GRK4: variants seen among roughly 807,000 people sequenced by gnomAD.
The protein encoded by GRK4 is G protein-coupled receptor kinase 2-like.
GRK4 carries 73 observed loss-of-function variants against 77.9 expected under a neutral mutation model. The observed-to-expected ratio is 0.94, with a 90% CI of 0.78 to 1.14. The LOEUF is 1.14. GRK4 is among the 50% of genes most tolerant of loss of function. The pLI, the probability that GRK4 is intolerant of heterozygous loss-of-function variation, is 0.00. For synonymous variants in GRK4, 257 were observed against 254.4 expected (o/e 1.01, Z -0.10); for missense variants, 729 against 700.2 (o/e 1.04, Z -0.46).
chr4:3,006,483 CAA>C (rs1297355082), intron 5 of GRK4, among the ~76,000 whole-genome samples: 1 of 151,978 alleles, frequency 6.6e-6, no homozygotes, highest in Non-Finnish European at 1.5e-5. Context: ...AACTGCTTTC[CAA>C]AAAGATGTCT....
chr4:3,029,447 C>T, intron 12 of GRK4, 38 bp downstream of exon 12: 1 of 1,540,210 alleles, frequency 6.5e-7, no homozygotes. Context: ...AATGGCACTT[C>T]TCACTCATTC....
At chr4:2,991,743 C>T (rs1726244195) in intron 3 of GRK4, among the ~76,000 whole-genome samples, 1 of 152,156 alleles carries the variant, frequency 6.6e-6, no homozygotes, top group Non-Finnish European at 1.5e-5. Flanking sequence ...AACTCCCAGC[C>T]TCAGATGATC....
At chr4:3,000,031 C>T (rs184510526) in intron 4 of GRK4, among the ~76,000 whole-genome samples, 4 of 152,306 alleles carry the variant, frequency 2.6e-5, no homozygotes, top group South Asian at 2.1e-4. Flanking sequence ...CCTTCCCTCT[C>T]CACCAGTGGT....
At chr4:3,027,038 G>C (rs1012175752) in intron 10 of GRK4, among the ~76,000 whole-genome samples, 5 of 152,224 alleles carry the variant, frequency 3.3e-5, no homozygotes, top group Admixed American at 3.3e-4. Flanking sequence ...GAATGTTTTC[G>C]ATAATTTCGT....
At chr4:3,001,481 C>T (rs1729818544) in intron 4 of GRK4, among the ~76,000 whole-genome samples, 1 of 151,486 alleles carries the variant, frequency 6.6e-6, no homozygotes, top group Non-Finnish European at 1.5e-5. Flanking sequence ...ATTCCCCTGC[C>T]TCAGCCTCCT....
chr4:2,976,010 TAAG>T (rs2109457982), intron 1 of GRK4, among the ~76,000 whole-genome samples: 1 of 152,232 alleles, frequency 6.6e-6, no homozygotes, highest in South Asian at 2.1e-4. Flanking sequence ...GCCAGCATGA[TAAG>T]GAGGTCCCCT....
chr4:2,965,423 C>T (rs1261368742), intron 1 of GRK4: 8 of 702,956 alleles, frequency 1.1e-5, no homozygotes, highest in Middle Eastern at 2.3e-4. Flanking sequence ...CTTCACACCC[C>T]GTCACTCTTA....
intron 10 of GRK4, among the ~76,000 whole-genome samples, chr4:3,023,022 C>T (rs961054345): frequency 1.3e-5 from 2 of 152,136 alleles, no homozygotes; most frequent in African/African-American, 2.4e-5. Flanking sequence ...AAAGTCAGAA[C>T]GTTTTCTCCC....
chr4:3,002,111 T>G (rs1222840189), intron 4 of GRK4, among the ~76,000 whole-genome samples: 1 of 152,094 alleles, frequency 6.6e-6, no homozygotes, highest in African/African-American at 2.4e-5. Context: ...AATGCTTGCA[T>G]CTTTTTGAGC....
chr4:2,982,724 TA>T (rs1207554292), intron 1 of GRK4, among the ~76,000 whole-genome samples: 9 of 152,168 alleles, frequency 5.9e-5, no homozygotes, highest in African/African-American at 1.9e-4. Flanking sequence ...CTGAAAAAAA[TA>T]ACCCATAACC....
intron 14 of GRK4, 124 bp from the exon 15 acceptor site, chr4:3,038,252 C>G (rs557253444): frequency 8.2e-7 from 1 of 1,216,414 alleles, no homozygotes; most frequent in South Asian, 1.5e-5. Context: ...AGGGGCCCCA[C>G]AGTGGGTGCA....
At chr4:2,976,636 T>A (rs988522238) in intron 1 of GRK4, among the ~76,000 whole-genome samples, 3 of 148,540 alleles carry the variant, frequency 2.0e-5, no homozygotes, top group African/African-American at 7.4e-5. Context: ...TCTTTCTTTT[T>A]TTTTTTTTTT....
At position 2,985,245 on chromosome 4, in the gene GRK4, A is replaced by C. The variant is rs948652334; in HGVS notation, c.148+637A>C. ...GAAACCCCGTCTCTACTAAAAATAC[A>C]AAAAAATTAGCTGGGTGCGGTGACG... On this transcript the variant is annotated intron_variant, in intron 2 of 15. Coordinates refer to ENST00000398052, the MANE Select transcript of GRK4 (RefSeq NM_182982.3). Among the ~76,000 whole-genome samples the C allele has an allele frequency of 1.8e-4, 27 of 151,878 alleles. 1 individual carries two copies. Among genetic ancestry groups the C allele is most frequent in the African/African-American group, 5.8e-4 (24 of 41,442 alleles).
At chr4:2,997,951 A>G (rs1728432982) in intron 4 of GRK4, among the ~76,000 whole-genome samples, 1 of 152,060 alleles carries the variant, frequency 6.6e-6, no homozygotes, top group Non-Finnish European at 1.5e-5. Flanking sequence ...CTTTCCTTTA[A>G]GATTAGGAAC....
At chr4:2,968,109 A>G (rs931288016) in intron 1 of GRK4, among the ~76,000 whole-genome samples, 1 of 148,964 alleles carries the variant, frequency 6.7e-6, no homozygotes, top group African/African-American at 2.5e-5. Context: ...TTTTTTTTTT[A>G]ATTTAGGATT....
intron 2 of GRK4, 43 bp downstream of exon 2, chr4:2,984,651 CATG>C (rs1723750261): frequency 1.0e-6 from 1 of 1,004,338 alleles, no homozygotes; most frequent in Non-Finnish European, 1.5e-6. Context: ...GTACATCTGG[CATG>C]ATACCATTCA....
At chr4:2,979,754 T>C (rs2109507697) in intron 1 of GRK4, among the ~76,000 whole-genome samples, 1 of 152,204 alleles carries the variant, frequency 6.6e-6, no homozygotes, top group South Asian at 2.1e-4. Context: ...TGGTGCATGC[T>C]TGTGGTCCCA....
At chr4:3,018,644 G>A (rs1052612223) in intron 8 of GRK4, among the ~76,000 whole-genome samples, 3 of 152,222 alleles carry the variant, frequency 2.0e-5, no homozygotes, top group Admixed American at 6.5e-5. Context: ...TTGGGAGGCC[G>A]AGGCAGGTGG....
Position 3,026,163 on chromosome 4 carries a change from CA to C in GRK4, c.971-1747del, listed in dbSNP as rs200449485. On this transcript the variant is annotated intron_variant, in intron 10 of 15. Transcript: ENST00000398052. ...TCCTAGAAGTGGGTGAATTCATACGCAATTTGTCAGATATTGCCAGATTCCG... is the reference window on the plus strand; with the variant it reads ...TCCTAGAAGTGGGTGAATTCATACGCATTTGTCAGATATTGCCAGATTCCG... Among the ~76,000 whole-genome samples the C allele has an allele frequency of 9.7e-3, 1,475 of 152,322 alleles. 14 individuals carry two copies. The highest frequency in any genetic ancestry group is 0.014 in the Non-Finnish European group (980 of 68,038).
Sources: gnomAD v4.1 joint callset for allele counts (sites outside exome capture counted in the v4.1 genomes callset) on GRCh38, gnomAD v4.1.1 for gene constraint, MANE v1.5 for transcripts, NCBI Gene and HGNC (gene_info 2026-07-23, HGNC 2026-07-21) for gene names.